VOPP1: variants seen among roughly 807,000 people sequenced by gnomAD.
VOPP1 encodes VOPP1 WW domain binding protein.
A neutral mutation model predicts 23.5 loss-of-function variants in VOPP1; 8 were observed. The observed-to-expected ratio is 0.34, with a 90% CI of 0.20 to 0.61. The LOEUF (loss-of-function observed/expected upper bound fraction) is 0.61, where lower values mean the gene tolerates loss of function less well. VOPP1 is among the 20% of genes least tolerant of loss of function. The probability of loss-of-function intolerance (pLI) is 0.78; values close to 1 mark genes in which losing one functional copy is unlikely to be tolerated. For missense variants in VOPP1, 174 were observed against 238.1 expected (o/e 0.73, Z 1.77); for synonymous variants, 83 against 97.3 (o/e 0.85, Z 0.86).
chr7:55,443,423 G>C (rs569595008), intron 4 of VOPP1, among the ~76,000 whole-genome samples: 1 of 146,382 alleles, frequency 6.8e-6, no homozygotes, highest in Admixed American at 6.8e-5. Context: ...GCGTGGTGGC[G>C]GGCGCCTGTA....
At chr7:55,517,784 C>T (rs1368713499) in intron 2 of VOPP1, among the ~76,000 whole-genome samples, 4 of 152,146 alleles carry the variant, frequency 2.6e-5, no homozygotes, top group East Asian at 1.9e-4. Flanking sequence ...TAGAATATAG[C>T]TAAGCAATTT....
chr7:55,467,021 A>C (rs1343633717), downstream of VOPP1, among the ~76,000 whole-genome samples: 1 of 152,164 alleles, frequency 6.6e-6, no homozygotes, highest in East Asian at 1.9e-4. Context: ...ATTAGGCATT[A>C]GATTCTCATA....
Position 55,472,127 on chromosome 7 carries a change from C to CA in VOPP1, c.*727dup, listed in dbSNP as rs1583831912. 1 of 151,826 alleles carries CA rather than the reference C, an allele frequency of 6.6e-6. No individual in the cohort carries two copies. The highest frequency in any genetic ancestry group is 2.4e-5 in the African/African-American group (1 of 41,272). The allele number at this position is 151,826 out of a possible 1,614,324, so 9.4% of individuals were successfully genotyped here. A position where few individuals can be genotyped will look rare whatever the true frequency, so the allele number is the denominator to read the frequency against. On this transcript the variant is annotated 3_prime_UTR_variant, in exon 5 of 5. Coordinates refer to ENST00000285279, the MANE Select transcript of VOPP1 (RefSeq NM_030796.5). The stretch of plus-strand genomic sequence containing the variant: ...CAAGAGCTCACAAAATGCAATGTCT[C>CA]AGTTTGGGGCAGGAAGTGATTTCCC...
At chr7:55,556,054 G>A (rs944455853) in intron 1 of VOPP1, among the ~76,000 whole-genome samples, 1 of 152,212 alleles carries the variant, frequency 6.6e-6, no homozygotes, top group Admixed American at 6.5e-5. Context: ...CCCCTCTGCT[G>A]CTTACCTATG....
At chr7:55,514,714 A>G (rs1312523059) in intron 2 of VOPP1, among the ~76,000 whole-genome samples, 10 of 152,112 alleles carry the variant, frequency 6.6e-5, no homozygotes, top group Non-Finnish European at 2.9e-5. Context: ...AGAGAGGGAC[A>G]CTCATCCCCA....
chr7:55,490,646 A>G (rs1476076424), intron 4 of VOPP1, among the ~76,000 whole-genome samples: 1 of 152,200 alleles, frequency 6.6e-6, no homozygotes, highest in South Asian at 2.1e-4. Context: ...ACTGATCCAG[A>G]TGAGACCCAG....
chr7:55,528,721 A>T (rs1180045917), intron 1 of VOPP1, among the ~76,000 whole-genome samples: 1 of 152,046 alleles, frequency 6.6e-6, no homozygotes, highest in African/African-American at 2.4e-5. Context: ...ATAAGAAAAT[A>T]TAACTGTTAA....
In VOPP1 at chr7:55,487,058, G is replaced by A. The variant is rs189981393; in HGVS notation, c.328+5224C>T. 5.3e-5 allele frequency among the ~76,000 whole-genome samples: 8 copies of A among 152,306 alleles called. No homozygotes were observed. The East Asian group carries it at 1.5e-3, about 29-fold the overall frequency. ...CACCGTCACGTTGGAAAAGAATGAC[G>A]CTTATTCCACCAGTTCTGAAGCCAG... On this transcript the variant is annotated intron_variant, in intron 4 of 4. Transcript: ENST00000285279.
intron 1 of VOPP1, among the ~76,000 whole-genome samples, chr7:55,535,452 G>A (rs560850899): frequency 6.6e-6 from 1 of 152,328 alleles, no homozygotes; most frequent in Non-Finnish European, 1.5e-5. Context: ...ACCCCAGGGA[G>A]TGTCCTTCTG....
rs570121256 is a variant in VOPP1, at chr7:55,457,263, T to C, written n.418-21089A>G. Among the ~76,000 whole-genome samples, 13 of 152,320 alleles carry C rather than the reference T, an allele frequency of 8.5e-5. No individual in the cohort carries two copies. In the East Asian group the frequency reaches 2.5e-3, roughly 29 times the overall value. On this transcript the variant is annotated intron_variant and non_coding_transcript_variant, in intron 4 of 4. Coordinates refer to the VOPP1 transcript ENST00000462326. ...ATCCATGTTGCTGCAAATGATGGAATTTCATTTTTTAATGTTGCTGCAAAT... is the reference window on the plus strand; with the variant it reads ...ATCCATGTTGCTGCAAATGATGGAACTTCATTTTTTAATGTTGCTGCAAAT...
At chr7:55,446,807 T>G (rs1386140195) in intron 4 of VOPP1, among the ~76,000 whole-genome samples, 1 of 152,204 alleles carries the variant, frequency 6.6e-6, no homozygotes, top group Non-Finnish European at 1.5e-5. Context: ...CTTCACAAGA[T>G]TCTCACAACC....
At chr7:55,449,429 CG>C (rs1426393847) in intron 4 of VOPP1, among the ~76,000 whole-genome samples, 40 of 152,208 alleles carry the variant, frequency 2.6e-4, no homozygotes, top group African/African-American at 9.2e-4. Context: ...GCCATCGCTT[CG>C]GGGCCTGCCG....
intron 2 of VOPP1, among the ~76,000 whole-genome samples, chr7:55,515,103 C>T (rs930064236): frequency 2.6e-5 from 4 of 152,216 alleles, no homozygotes; most frequent in Admixed American, 1.3e-4. Flanking sequence ...CGCCCTCTCT[C>T]TGCTCTTCCG....
chr7:55,454,430 T>A lies in VOPP1; in HGVS notation n.418-18256A>T, dbSNP rs1229939234. ...TTCCAAACAATAGAAAAAGAGGGAA[T>A]CCTCCCTAACTCATTTTATGAAGCC... is the stretch of plus-strand genomic sequence containing the variant. On this transcript the variant is annotated intron_variant and non_coding_transcript_variant, in intron 4 of 4. Coordinates refer to the VOPP1 transcript ENST00000462326. 2.0e-5 allele frequency among the ~76,000 whole-genome samples: 3 copies of A among 152,050 alleles called. No individual in the cohort carries two copies. The East Asian group carries it at 5.8e-4, about 29-fold the overall frequency.
chr7:55,495,846 C>T (rs956929909), intron 3 of VOPP1, among the ~76,000 whole-genome samples: 7 of 152,216 alleles, frequency 4.6e-5, no homozygotes, highest in Non-Finnish European at 7.3e-5. Flanking sequence ...AACCCTGTGT[C>T]GGAATCTCAA....
At chr7:55,555,363 A>G (rs948632645) in intron 1 of VOPP1, among the ~76,000 whole-genome samples, 2 of 152,178 alleles carry the variant, frequency 1.3e-5, no homozygotes, top group Non-Finnish European at 2.9e-5. Flanking sequence ...CCATTTCCGC[A>G]CATGTGAAAG....
At chr7:55,497,166 G>GAGGCA (rs1342884987) in intron 3 of VOPP1, among the ~76,000 whole-genome samples, 1,675 of 152,376 alleles carry the variant, frequency 0.011, 11 homozygotes, top group Middle Eastern at 0.02. Context: ...GGAGCTGGAG[G>GAGGCA]CAGCTGGGTG....
intron 1 of VOPP1, among the ~76,000 whole-genome samples, chr7:55,565,316 T>C (rs950472966): frequency 6.6e-6 from 1 of 152,224 alleles, no homozygotes; most frequent in African/African-American, 2.4e-5. Flanking sequence ...GGACAGATCA[T>C]CAAACACTTC....
At chr7:55,483,801 T>C (rs1792922501) in intron 4 of VOPP1, among the ~76,000 whole-genome samples, 1 of 152,242 alleles carries the variant, frequency 6.6e-6, no homozygotes, top group South Asian at 2.1e-4. Context: ...TCGCTCTTGT[T>C]GCCTTGGAGG....
Sources: allele counts gnomAD v4.1 joint callset (sites outside exome capture counted in the v4.1 genomes callset), GRCh38; gene constraint gnomAD v4.1.1; transcripts MANE v1.5; gene names NCBI Gene and HGNC (gene_info 2026-07-23, HGNC 2026-07-21).